The following CORO2B variants were observed in gnomAD, a reference collection of about 807,000 sequenced individuals.
The protein encoded by CORO2B is coronin 2B.
In CORO2B, 26 loss-of-function variants were observed where a neutral mutation model predicts 58.8. That is an observed-to-expected ratio of 0.44 (90% CI 0.32 to 0.61). CORO2B has a LOEUF of 0.61. Ranked by LOEUF, CORO2B falls within the 20% of genes least tolerant of loss-of-function variation. The probability of loss-of-function intolerance (pLI) is 0.04; values close to 1 mark genes in which losing one functional copy is unlikely to be tolerated. For synonymous variants in CORO2B, 242 were observed against 253.8 expected, an observed-to-expected ratio of 0.95 and a Z score of 0.44; for missense variants, 460 against 645.1, an observed-to-expected ratio of 0.71 and a Z score of 3.11.
At chr15:68,631,005 A>T (rs1190436350) in intron 1 of CORO2B, among the ~76,000 whole-genome samples, 2 of 152,158 alleles carry the variant, frequency 1.3e-5, no homozygotes, top group Non-Finnish European at 2.9e-5. Context: ...CACTTGCCAG[A>T]ACTGGGTCTT....
chr15:68,724,564 C>T (rs528573591), intron 11 of CORO2B, among the ~76,000 whole-genome samples: 181 of 152,270 alleles, frequency 1.2e-3, no homozygotes, highest in Non-Finnish European at 2.1e-3. Context: ...GAATATTCTC[C>T]AGTCTTTTAG....
intron 1 of CORO2B, among the ~76,000 whole-genome samples, chr15:68,614,891 T>C (rs1368561836): frequency 6.6e-6 from 1 of 152,148 alleles, no homozygotes; most frequent in Non-Finnish European, 1.5e-5. Flanking sequence ...CCTGCGCCCA[T>C]GTATTATGCA....
At chr15:68,596,197 C>G (rs946827711) in intron 1 of CORO2B, among the ~76,000 whole-genome samples, 2 of 152,148 alleles carry the variant, frequency 1.3e-5, no homozygotes, top group South Asian at 2.1e-4. Context: ...TAAGCATGCA[C>G]TGTGCCCGTG....
intron 3 of CORO2B, among the ~76,000 whole-genome samples, chr15:68,697,881 G>A (rs924914627): frequency 6.6e-6 from 1 of 152,170 alleles, no homozygotes; most frequent in African/African-American, 2.4e-5. Flanking sequence ...TGGAGGTGCT[G>A]CCCATCCTTC....
In CORO2B at chr15:68,667,268, T is replaced by C. The variant is rs571711446; in HGVS notation, c.216+21908T>C. On this transcript the variant is annotated intron_variant, in intron 2 of 11. Transcript: ENST00000261861. ...GCCTGCCCTTCTTCATGCTCCTCTC[T>C]GCACAGCTCAGGGCACCGCCTCCAG... is the stretch of plus-strand genomic sequence containing the variant. Among the ~76,000 whole-genome samples the C allele has an allele frequency of 2.6e-5, 4 of 152,310 alleles. No homozygotes were observed. The South Asian group carries it at 8.3e-4, about 32-fold the overall frequency.
chr15:68,708,549 G>C (rs143473115), intron 3 of CORO2B, among the ~76,000 whole-genome samples: 2 of 151,624 alleles, frequency 1.3e-5, no homozygotes, highest in Admixed American at 6.6e-5. Flanking sequence ...TTTTTTAGTA[G>C]AGATGGGTTT....
At chr15:68,602,562 C>T (rs77419292) in intron 1 of CORO2B, among the ~76,000 whole-genome samples, 1,642 of 152,316 alleles carry the variant, frequency 0.011, 37 homozygotes, top group African/African-American at 0.037. Flanking sequence ...CTATCGTGTA[C>T]TATGTTAAAC....
Position 68,669,775 on chromosome 15 carries a change from G to T in CORO2B, c.216+24415G>T, listed in dbSNP as rs185242476. ...AAACCAAATAAGAAAAAATAAATAAGGCTGGGTGTGGTGGCTCATGCCTAT... is the reference window on the plus strand; with the variant it reads ...AAACCAAATAAGAAAAAATAAATAATGCTGGGTGTGGTGGCTCATGCCTAT... On this transcript the variant is annotated intron_variant, in intron 2 of 11. Coordinates refer to ENST00000261861, the MANE Select transcript of CORO2B (RefSeq NM_006091.5). 1.7e-3 allele frequency among the ~76,000 whole-genome samples: 262 copies of T among 149,962 alleles called. 1 individual carries two copies. The highest frequency in any genetic ancestry group is 6.2e-3 in the African/African-American group (253 of 41,114).
chr15:68,531,568 A>AAGAAAG, the CORO2B span, among the ~76,000 whole-genome samples: 1 of 146,516 alleles, frequency 6.8e-6, no homozygotes, highest in Middle Eastern at 3.4e-3. Flanking sequence ...AAGAAAGAGA[A>AAGAAAG]AGAAAGAGAA....
At position 68,718,768 on chromosome 15, in the gene CORO2B, C is replaced by A. The variant is rs1350596515; in HGVS notation, c.1038C>A (p.Leu346=). 5 of 1,614,066 alleles carry A rather than the reference C, an allele frequency of 3.1e-6. No homozygotes were observed. Among genetic ancestry groups the A allele is most frequent in the Non-Finnish European group, 4.2e-6 (5 of 1,180,034 alleles). ...EVFRFYKLVT[L]KGLIEPISMI... The stretch of plus-strand genomic sequence containing the variant: ...TCCGCTTCTACAAGCTGGTGACTCT[C>A]AAGGGCCTGATCGAGCCCATCTCCA... The change falls in exon 9 of 12, where the codon CTC becomes CTA. Residue 346 remains leucine, a synonymous_variant. Transcript: ENST00000261861.
rs531907852 is a variant in CORO2B at position 68,669,310 on chromosome 15, C to T, written c.216+23950C>T. On this transcript the variant is annotated intron_variant, in intron 2 of 11. Coordinates refer to ENST00000261861, the MANE Select transcript of CORO2B (RefSeq NM_006091.5). The stretch of plus-strand genomic sequence containing the variant: ...GGTGAAGGCGACTTGGAGCCTTTAT[C>T]TCTCAGGACACAACTGGGTGTGTGA... Among the ~76,000 whole-genome samples, 8 of 152,284 alleles carry T rather than the reference C, an allele frequency of 5.3e-5. No individual in the cohort carries two copies. In the South Asian group the frequency reaches 1.2e-3, roughly 24 times the overall value.
the CORO2B span, among the ~76,000 whole-genome samples, chr15:68,538,675 C>CTT: frequency 3.7e-4 from 56 of 152,140 alleles, no homozygotes; most frequent in African/African-American, 1.3e-3. Context: ...AATGAAAAAG[C>CTT]TTTTACCTAG....
At chr15:68,664,620 C>T (rs1902127909) in intron 2 of CORO2B, among the ~76,000 whole-genome samples, 1 of 151,992 alleles carries the variant, frequency 6.6e-6, no homozygotes, top group African/African-American at 2.4e-5. Flanking sequence ...GTACTCCAGC[C>T]TGAGGGACAG....
chr15:68,578,197 CTG>C (rs575250044), upstream of CORO2B, among the ~76,000 whole-genome samples: 160 of 152,274 alleles, frequency 1.1e-3, 2 homozygotes, highest in African/African-American at 3.7e-3. This position sits in a 1 kb window ranked among gnomAD's most constrained non-coding sequence, Gnocchi z 4.2. Flanking sequence ...CAGGACGCAC[CTG>C]TGTTATCACT....
chr15:68,579,416 C>A, intron 1 of CORO2B, 139 bp downstream of exon 1: 2 of 873,558 alleles, frequency 2.3e-6, no homozygotes, highest in Non-Finnish European at 2.9e-6. Context: ...CTCTTGCTGC[C>A]GGATCCGCTC....
At position 68,725,929 on chromosome 15, in the gene CORO2B, C is replaced by G; in HGVS notation, c.1398C>G (p.Leu466=). The G allele has an allele frequency of 6.2e-7, 1 of 1,614,072 alleles. No homozygotes were observed. The highest frequency in any genetic ancestry group is 8.5e-7 in the Non-Finnish European group (1 of 1,180,036). ...AGAAGGACATCCGCATTCGGCAGCT[C>G]CAGCTGGAACTGAAAAACTTGCGCA... is the stretch of plus-strand genomic sequence containing the variant. The part of the protein sequence containing the change: ...LAQKDIRIRQ[L]QLELKNLRNS... The change falls in exon 12 of 12, where the codon CTC becomes CTG. Residue 466 remains leucine, a synonymous_variant. Transcript: ENST00000261861.
chr15:68,696,548 A>C (rs1892515594), intron 3 of CORO2B, among the ~76,000 whole-genome samples: 1 of 89,514 alleles, frequency 1.1e-5, no homozygotes, highest in African/African-American at 3.7e-5. Flanking sequence ...ACAGAGCAAG[A>C]CTCTGCCTCA....
chr15:68,611,326 G>T (rs1900242926), intron 1 of CORO2B, among the ~76,000 whole-genome samples: 1 of 152,118 alleles, frequency 6.6e-6, no homozygotes, highest in Non-Finnish European at 1.5e-5. Context: ...ATGAAATTTT[G>T]AAATCATACT....
intron 11 of CORO2B, among the ~76,000 whole-genome samples, chr15:68,720,151 G>T (rs1479499234): frequency 6.6e-6 from 1 of 152,172 alleles, no homozygotes; most frequent in African/African-American, 2.4e-5. Context: ...CAGACATAAG[G>T]CCTGATACAA....
Sources: allele counts gnomAD v4.1 joint callset (sites outside exome capture counted in the v4.1 genomes callset), GRCh38; gene constraint gnomAD v4.1.1; non-coding constraint Gnocchi (gnomAD v3.1); transcripts MANE v1.5; gene names NCBI Gene and HGNC (gene_info 2026-07-23, HGNC 2026-07-21).